UNC45B: variants seen among roughly 807,000 people sequenced by gnomAD.
UNC45B encodes unc-45 myosin chaperone B.
A neutral mutation model predicts 98.7 loss-of-function variants in UNC45B; 78 were observed. That is an observed-to-expected ratio of 0.79 (90% CI 0.66 to 0.95). The LOEUF (loss-of-function observed/expected upper bound fraction) is 0.95, where lower values mean the gene tolerates loss of function less well. UNC45B is among the 40% of genes least tolerant of loss of function. UNC45B has a pLI of 0.00. For synonymous variants in UNC45B, 462 were observed against 480.4 expected (o/e 0.96, Z 0.50); for missense variants, 1,225 against 1,184.9 (o/e 1.03, Z -0.50).
chr17:35,175,398 A>G (rs1408537771), intron 14 of UNC45B, among the ~76,000 whole-genome samples: 1 of 152,158 alleles, frequency 6.6e-6, no homozygotes, highest in African/African-American at 2.4e-5. Context: ...GTGTTCCCCA[A>G]CCAGCCAGAC....
At chr17:35,153,115 A>G in intron 5 of UNC45B, 133 bp downstream of exon 5, 1 of 661,176 alleles carries the variant, frequency 1.5e-6, no homozygotes, top group Non-Finnish European at 2.6e-6. Flanking sequence ...AAGGTTAAGC[A>G]CATTGGAACA....
chr17:35,163,945 G>T, intron 8 of UNC45B, 50 bp from the exon 9 acceptor site: 1 of 1,539,476 alleles, frequency 6.5e-7, no homozygotes, highest in Non-Finnish European at 8.8e-7. Context: ...GGGTGTGTGT[G>T]AGGATGGAGC....
intron 1 of UNC45B, 65 bp downstream of exon 1, chr17:35,147,975 A>G (rs1023768445): frequency 7.4e-6 from 3 of 407,278 alleles, no homozygotes; most frequent in South Asian, 3.0e-5. Flanking sequence ...AAGACCTGCA[A>G]TGAGAGTTCA....
At chr17:35,156,691 G>C (rs2092064739) in intron 7 of UNC45B, among the ~76,000 whole-genome samples, 1 of 151,832 alleles carries the variant, frequency 6.6e-6, no homozygotes, top group Non-Finnish European at 1.5e-5. Flanking sequence ...AAGTAACAGA[G>C]GCTTATTGAA....
rs1260008278 is a variant in UNC45B, at chr17:35,176,011, A to C, written c.2002A>C (p.Ile668Leu). The C allele has an allele frequency of 6.2e-7, 1 of 1,614,098 alleles. No homozygotes were observed. The highest frequency in any genetic ancestry group is 1.3e-5 in the African/African-American group (1 of 75,022). The change falls in exon 15 of 20, where the codon ATT becomes CTT. Residue 668 changes from isoleucine to leucine, a missense_variant. Coordinates refer to ENST00000394570, the MANE Select transcript of UNC45B (RefSeq NM_001267052.2). ...TGACAACCCAAAGGACCGAGGCACC[A>C]TTGTGGCTCAAGGTGGTGGCAAGGT... ...LCDNPKDRGT[I>L]VAQGGGKALI...
intron 15 of UNC45B, 143 bp downstream of exon 15, chr17:35,176,177 C>T (rs2092232228): frequency 1.3e-6 from 1 of 751,684 alleles, no homozygotes; most frequent in Non-Finnish European, 2.3e-6. Flanking sequence ...AGCCCCAAGC[C>T]AATTTCTGCT....
At chr17:35,150,837 CTCTT>C (rs80166754) in intron 4 of UNC45B, among the ~76,000 whole-genome samples, 14,279 of 149,358 alleles carry the variant, frequency 0.096, 829 homozygotes, top group Middle Eastern at 0.16. Flanking sequence ...TGATCTCTCT[CTCTT>C]TCTATGTATT....
At chr17:35,175,098 A>G (rs2092222969) in intron 14 of UNC45B, among the ~76,000 whole-genome samples, 1 of 151,260 alleles carries the variant, frequency 6.6e-6, no homozygotes, top group Non-Finnish European at 1.5e-5. Context: ...AGAAAGAAAG[A>G]AAAAAGAAAA....
chr17:35,168,444 C>G, intron 10 of UNC45B, 83 bp downstream of exon 10: 1 of 1,224,732 alleles, frequency 8.2e-7, no homozygotes, highest in East Asian at 2.9e-5. Context: ...TGAGTTGAGG[C>G]TGCTGTCCTT....
chr17:35,181,000 C>A (rs922329853), intron 18 of UNC45B, among the ~76,000 whole-genome samples: 3 of 152,080 alleles, frequency 2.0e-5, no homozygotes, highest in Admixed American at 2.0e-4. Flanking sequence ...AGACCAGGGC[C>A]TCTCAGAGGT....
rs538033317 is a variant in UNC45B, at chr17:35,169,675, G to A, written c.1453-162G>A. On this transcript the variant is annotated intron_variant, in intron 10 of 19. Transcript: ENST00000394570. ...GCATCAGGGAAAGTATCTCAGCAGA[G>A]GTGACACCTGAGCTGAGTTTTACAG... Among the ~76,000 whole-genome samples, 90 of 152,262 alleles carry A rather than the reference G, an allele frequency of 5.9e-4. 1 individual carries two copies. Among genetic ancestry groups the A allele is most frequent in the Non-Finnish European group, 3.5e-4 (24 of 68,026 alleles).
In UNC45B at chr17:35,164,043, C is replaced by T; in HGVS notation, c.1028C>T (p.Ser343Phe). ...GTGGGGCAGGTTCCAGATCTGCCAT[C>T]CTGCCTGCCCCTGACTGACAACACC... ...KVVGQVPDLP[S>F]CLPLTDNTRM... The change falls in exon 9 of 20, where the codon TCC (serine) becomes TTC (phenylalanine). Residue 343 changes from serine to phenylalanine, a missense_variant. Coordinates refer to ENST00000394570, the MANE Select transcript of UNC45B (RefSeq NM_001267052.2). 6.2e-7 allele frequency: 1 copy of T among 1,614,012 alleles called. No individual in the cohort carries two copies. The highest frequency in any genetic ancestry group is 8.5e-7 in the Non-Finnish European group (1 of 1,179,968).
rs780886985 is a variant in UNC45B at position 35,169,902 on chromosome 17, G to C, written c.1518G>C (p.Ser506=). Reference sequence around the variant, plus strand: ...GTCTCAGGCAGTTTGCGGAAGGGTCGACAGAAAAACTGGCCAAACAGTGTC... The same window carrying C: ...GTCTCAGGCAGTTTGCGGAAGGGTCCACAGAAAAACTGGCCAAACAGTGTC... ...DYGLRQFAEG[S]TEKLAKQCRK... Residue 506 remains serine (S), a synonymous_variant, in exon 11 of 20, where the codon TCG becomes TCC. Transcript: ENST00000394570. 6.2e-7 allele frequency: 1 copy of C among 1,614,166 alleles called. No individual in the cohort carries two copies. Among genetic ancestry groups the C allele is most frequent in the Non-Finnish European group, 8.5e-7 (1 of 1,180,038 alleles).
intron 7 of UNC45B, 23 bp downstream of exon 7, chr17:35,155,487 G>C (rs560418755): frequency 1.2e-6 from 2 of 1,610,272 alleles, no homozygotes; most frequent in Non-Finnish European, 8.5e-7. Context: ...CTTCAGTTTT[G>C]ATTCAAGGGG....
chr17:35,183,416 G>C lies in UNC45B; in HGVS notation c.2374-11G>C. 1 of 1,537,288 alleles carries C rather than the reference G, an allele frequency of 6.5e-7. No homozygotes were observed. Among genetic ancestry groups the C allele is most frequent in the African/African-American group, 1.4e-5 (1 of 72,386 alleles). On this transcript the variant is annotated splice_polypyrimidine_tract_variant and intron_variant, in intron 18 of 19. Transcript: ENST00000394570. The stretch of plus-strand genomic sequence containing the variant: ...ACAGTTTTCTCTGAGCCATGTTCCT[G>C]CCTCCCACAGGTACAGGAAAGGTTC...
At chr17:35,168,604 A>G (rs1362051769) in intron 10 of UNC45B, among the ~76,000 whole-genome samples, 3 of 152,214 alleles carry the variant, frequency 2.0e-5, no homozygotes, top group Non-Finnish European at 4.4e-5. Flanking sequence ...TATGAACAAC[A>G]TGAACACTGA....
chr17:35,166,113 T>TAAAAAAAAAAAAAAAAAAAAAA (rs1435189350), intron 9 of UNC45B, among the ~76,000 whole-genome samples: 232 of 88,764 alleles, frequency 2.6e-3, no homozygotes, highest in African/African-American at 6.0e-3. Flanking sequence ...AAAAAAAAAT[T>TAAAAAAAAAAAAAAAAAAAAAA]AAAAATGAGT....
chr17:35,180,946 T>C (rs1267461607), intron 18 of UNC45B, among the ~76,000 whole-genome samples: 1 of 152,192 alleles, frequency 6.6e-6, no homozygotes, highest in Non-Finnish European at 1.5e-5. Context: ...ACCATTTCCC[T>C]AAGTTACTTA....
At chr17:35,164,706 T>A (rs1328473740) in intron 9 of UNC45B, 2 of 152,170 alleles carry the variant, frequency 1.3e-5, no homozygotes, top group Non-Finnish European at 2.9e-5. Context: ...GGTGTCAACA[T>A]ATTTTTGGAC....
Sources: gnomAD v4.1 joint callset for allele counts (sites outside exome capture counted in the v4.1 genomes callset) on GRCh38, gnomAD v4.1.1 for gene constraint, MANE v1.5 for transcripts, NCBI Gene and HGNC (gene_info 2026-07-23, HGNC 2026-07-21) for gene names.